Variants in RIMS2 observed in about 807,000 individuals in gnomAD.
RIMS2 encodes regulating synaptic membrane exocytosis 2, also known as regulating synaptic membrane exocytosis protein 2.
RIMS2 carries 59 observed loss-of-function variants against 174.4 expected under a neutral mutation model. The ratio of observed to expected loss-of-function variants is 0.34; its 90% CI spans 0.27 to 0.42. The LOEUF (loss-of-function observed/expected upper bound fraction) is 0.42, where lower values mean the gene tolerates loss of function less well. Among genes scored for constraint, RIMS2 ranks in the 10% least tolerant of loss-of-function variants. RIMS2 has a pLI of 1.00. For missense variants in RIMS2, 1,620 were observed against 1,666.3 expected (o/e 0.97, Z 0.48); for synonymous variants, 606 against 572.5 (o/e 1.06, Z -0.84).
intron 14 of RIMS2, among the ~76,000 whole-genome samples, chr8:103,947,707 T>C (rs2084154122): frequency 6.6e-6 from 1 of 152,184 alleles, no homozygotes; most frequent in South Asian, 2.1e-4. Flanking sequence ...CTTGGTAAGT[T>C]AATGCAAAGG....
intron 19 of RIMS2, among the ~76,000 whole-genome samples, chr8:104,133,179 T>C (rs2098486747): frequency 6.6e-6 from 1 of 152,148 alleles, no homozygotes; most frequent in African/African-American, 2.4e-5. Flanking sequence ...CCATTTTAAG[T>C]GGGGTACGTA....
At chr8:104,248,245 A>AT (rs777527043) in intron 20 of RIMS2, among the ~76,000 whole-genome samples, 35 of 152,100 alleles carry the variant, frequency 2.3e-4, no homozygotes, top group Admixed American at 1.2e-3. Flanking sequence ...CAGGAAAGGG[A>AT]TTTTTTTATA....
Position 103,622,279 on chromosome 8 carries a change from T to G in RIMS2, c.177-74807T>G, listed in dbSNP as rs1176719480. 3.3e-5 allele frequency among the ~76,000 whole-genome samples: 5 copies of G among 152,222 alleles called. No individual in the cohort carries two copies. The South Asian group carries it at 6.2e-4, about 19-fold the overall frequency. ...ACAAACAATGACACATACATTATATTCTGAAATTTTTCAGCATCATCACTA... is the reference window on the plus strand; with the variant it reads ...ACAAACAATGACACATACATTATATGCTGAAATTTTTCAGCATCATCACTA... On this transcript the variant is annotated intron_variant, in intron 1 of 23. Transcript: ENST00000504942.
intron 19 of RIMS2, among the ~76,000 whole-genome samples, chr8:104,167,099 T>C (rs929526067): frequency 2.6e-5 from 4 of 152,218 alleles, no homozygotes; most frequent in Non-Finnish European, 2.9e-5. Context: ...ATGTATCTTT[T>C]TCATATAATG....
At chr8:104,202,847 A>G (rs890232632) in intron 19 of RIMS2, among the ~76,000 whole-genome samples, 4 of 152,236 alleles carry the variant, frequency 2.6e-5, no homozygotes, top group African/African-American at 9.6e-5. Flanking sequence ...CCCATAACAC[A>G]TGTGAAGAGA....
At chr8:103,752,953 C>T (rs553604064) in intron 2 of RIMS2, among the ~76,000 whole-genome samples, 137 of 151,982 alleles carry the variant, frequency 9.0e-4, no homozygotes, top group African/African-American at 3.2e-3. Context: ...TTGCCCTGGC[C>T]AGAACTTCCA....
At chr8:103,902,907 A>G (rs1331095558) in intron 4 of RIMS2, among the ~76,000 whole-genome samples, 1 of 152,168 alleles carries the variant, frequency 6.6e-6, no homozygotes, top group Non-Finnish European at 1.5e-5. Context: ...TAAATTACTC[A>G]GTGCCCTTTA....
At chr8:103,875,798 C>T (rs1157687990) in intron 3 of RIMS2, among the ~76,000 whole-genome samples, 2 of 151,906 alleles carry the variant, frequency 1.3e-5, no homozygotes, top group Non-Finnish European at 2.9e-5. Context: ...TTAATAATGG[C>T]CATTCTTGAC....
chr8:103,600,539 G>A (rs1176027793), intron 1 of RIMS2, among the ~76,000 whole-genome samples: 1 of 152,156 alleles, frequency 6.6e-6, no homozygotes, highest in East Asian at 1.9e-4. Context: ...CCAAAGTGCT[G>A]GGATTACAGG....
intron 19 of RIMS2, among the ~76,000 whole-genome samples, chr8:104,026,529 T>G (rs975403542): frequency 9.2e-5 from 14 of 152,060 alleles, no homozygotes; most frequent in African/African-American, 3.4e-4. Flanking sequence ...GTCAGATCCC[T>G]GAAAATACAC....
intron 17 of RIMS2, among the ~76,000 whole-genome samples, chr8:104,007,641 C>G (rs1565815016): frequency 6.6e-6 from 1 of 152,150 alleles, no homozygotes; most frequent in Non-Finnish European, 1.5e-5. Context: ...TTGATAGATT[C>G]AACATCTATA....
chr8:103,939,135 T>C (rs1366848085), intron 13 of RIMS2, among the ~76,000 whole-genome samples: 1 of 152,250 alleles, frequency 6.6e-6, no homozygotes, highest in African/African-American at 2.4e-5. Flanking sequence ...GTAGGGACTC[T>C]GTACCGGGGC....
chr8:103,827,804 C>T (rs2098800931), intron 3 of RIMS2, among the ~76,000 whole-genome samples: 1 of 151,848 alleles, frequency 6.6e-6, no homozygotes, highest in African/African-American at 2.4e-5. Context: ...CACTGTACTC[C>T]ACCAGCCTGG....
chr8:103,902,020 A>G (rs911375963), intron 4 of RIMS2, among the ~76,000 whole-genome samples: 1 of 152,192 alleles, frequency 6.6e-6, no homozygotes, highest in African/African-American at 2.4e-5. Flanking sequence ...TGGCTAAGCT[A>G]GGTTTCCTAC....
chr8:104,188,006 T>G (rs2098977026), intron 19 of RIMS2, among the ~76,000 whole-genome samples: 1 of 151,788 alleles, frequency 6.6e-6, no homozygotes, highest in African/African-American at 2.4e-5. Context: ...CTAGCTTCCC[T>G]CAGGGAGTTG....
chr8:103,647,895 G>GTTTTTTTTTTTTTTTTTTTTTT (rs1491274748), intron 1 of RIMS2, among the ~76,000 whole-genome samples: 1 of 113,682 alleles, frequency 8.8e-6, no homozygotes, highest in Admixed American at 7.8e-5. Context: ...ATTTTTTTTT[G>GTTTTTTTTTTTTTTTTTTTTTT]ATTTTTTTTT....
At chr8:104,031,541 A>G (rs974505873) in intron 19 of RIMS2, among the ~76,000 whole-genome samples, 3 of 152,264 alleles carry the variant, frequency 2.0e-5, no homozygotes, top group African/African-American at 4.8e-5. Flanking sequence ...TGTTAACTGC[A>G]TATTACATAG....
At chr8:103,884,073 G>A (rs945400608) in intron 3 of RIMS2, among the ~76,000 whole-genome samples, 1 of 151,758 alleles carries the variant, frequency 6.6e-6, no homozygotes, top group African/African-American at 2.4e-5. Flanking sequence ...TTCTGTTTTC[G>A]TTAGTGAACC....
chr8:103,961,030 A>G, intron 14 of RIMS2, 35 bp from the exon 17 acceptor site: 1 of 1,092,472 alleles, frequency 9.2e-7, no homozygotes, highest in Non-Finnish European at 1.4e-6. Context: ...TTAGAGAATC[A>G]GAATTTTTAA....
Sources: gnomAD v4.1 joint callset for allele counts (sites outside exome capture counted in the v4.1 genomes callset) on GRCh38, gnomAD v4.1.1 for gene constraint, MANE v1.5 for transcripts, NCBI Gene and HGNC (gene_info 2026-07-23, HGNC 2026-07-21) for gene names.